TSPAN2: variants seen among roughly 807,000 people sequenced by gnomAD.
The protein encoded by TSPAN2 is tetraspanin 2, also known as tetraspanin-2.
Under a neutral mutation model 33.3 loss-of-function variants are expected in TSPAN2, and 24 were observed. That is an observed-to-expected ratio of 0.72 (90% CI 0.52 to 1.01). The LOEUF is 1.01. Among genes scored for constraint, TSPAN2 ranks in the 50% least tolerant of loss-of-function variants. TSPAN2 has a pLI of 0.00. For missense variants in TSPAN2, 278 were observed against 281.3 expected, an observed-to-expected ratio of 0.99 and a Z score of 0.08; for synonymous variants, 114 against 104.5, an observed-to-expected ratio of 1.09 and a Z score of -0.56.
intron 5 of TSPAN2, 79 bp from the exon 6 acceptor site, chr1:115,057,687 G>C (rs1647490135): frequency 7.8e-6 from 11 of 1,406,466 alleles, no homozygotes; most frequent in Non-Finnish European, 1.0e-5. Context: ...CTAAGGACTG[G>C]GGTGCCGAGG....
intron 1 of TSPAN2, among the ~76,000 whole-genome samples, chr1:115,088,225 G>A (rs768874728): frequency 6.6e-6 from 1 of 152,178 alleles, no homozygotes; most frequent in Non-Finnish European, 1.5e-5. Flanking sequence ...CTGGGCTAAT[G>A]GATTGACAGA....
intron 1 of TSPAN2, among the ~76,000 whole-genome samples, chr1:115,085,873 C>T (rs950727976): frequency 1.3e-5 from 2 of 152,182 alleles, no homozygotes; most frequent in African/African-American, 4.8e-5. Context: ...TGTCCTACTG[C>T]ATGCCTTCTA....
In TSPAN2 at chr1:115,058,445, C is replaced by A. The variant is rs185541488; in HGVS notation, c.444+438G>T. 1.5e-4 allele frequency: 35 copies of A among 229,262 alleles called. No homozygotes were observed. The East Asian group carries it at 5.2e-3, about 34-fold the overall frequency. 14.2% of individuals were successfully genotyped at this position (229,262 alleles called of 1,614,324 possible). ...CTTCATTCTACAAATGAGGGAGCTG[C>A]GTGGGTATCAGGGAGGCCAAGTAAC... On this transcript the variant is annotated intron_variant, in intron 5 of 7. Coordinates refer to ENST00000369516, the MANE Select transcript of TSPAN2 (RefSeq NM_005725.6).
chr1:115,086,830 T>C (rs892713790), intron 1 of TSPAN2, among the ~76,000 whole-genome samples: 3 of 152,238 alleles, frequency 2.0e-5, no homozygotes, highest in African/African-American at 2.4e-5. Flanking sequence ...ATCAGAATTA[T>C]GTGAATGGCT....
chr1:115,077,541 A>T (rs1393010798), intron 1 of TSPAN2, among the ~76,000 whole-genome samples: 1 of 152,228 alleles, frequency 6.6e-6, no homozygotes, highest in Admixed American at 6.5e-5. Flanking sequence ...TGTGTGTTCT[A>T]AAACTCAAGA....
At chr1:115,068,877 C>A (rs1286346) in intron 2 of TSPAN2, among the ~76,000 whole-genome samples, 39,711 of 152,128 alleles carry the variant, frequency 0.26, 5,552 homozygotes, top group African/African-American at 0.3. Context: ...CTTGTTGCCA[C>A]TATCCAGAGA....
In TSPAN2 at chr1:115,050,493, T is replaced by A. The variant is rs1264124571; in HGVS notation, c.663A>T (p.Ile221=). The change falls in exon 8 of 8, where the codon ATA becomes ATT. Residue 221 remains isoleucine, a synonymous_variant. Transcript: ENST00000369516. ...CAATTTTCATGTAGAAGTAGCTTCA[T>A]ATCACATCTCGTGAGTTTCGTATCG... ...CCAIRNSRDV[I] The A allele has an allele frequency of 6.2e-7, 1 of 1,613,842 alleles. No homozygotes were observed. The highest frequency in any genetic ancestry group is 1.3e-5 in the African/African-American group (1 of 74,926).
At chr1:115,076,864 G>T (rs1428272032) in intron 1 of TSPAN2, among the ~76,000 whole-genome samples, 1 of 151,990 alleles carries the variant, frequency 6.6e-6, no homozygotes, top group East Asian at 1.9e-4. Context: ...TCAATCCAGA[G>T]GCAGCCCACC....
At chr1:115,073,412 G>A (rs1036023405) in intron 1 of TSPAN2, among the ~76,000 whole-genome samples, 1 of 152,158 alleles carries the variant, frequency 6.6e-6, no homozygotes, top group Non-Finnish European at 1.5e-5. Context: ...AACGAGAGGT[G>A]ACTATGTCTC....
intron 1 of TSPAN2, among the ~76,000 whole-genome samples, chr1:115,079,136 G>A (rs887722343): frequency 8.4e-5 from 4 of 47,416 alleles, no homozygotes; most frequent in South Asian, 7.7e-4. Context: ...CAATTATAGC[G>A]CCACACACAC....
At chr1:115,079,355 C>T (rs1648538478) in intron 1 of TSPAN2, among the ~76,000 whole-genome samples, 1 of 152,164 alleles carries the variant, frequency 6.6e-6, no homozygotes, top group African/African-American at 2.4e-5. Flanking sequence ...TGGCAATTCT[C>T]ATCCCCATTG....
chr1:115,085,713 G>A (rs1474008684), intron 1 of TSPAN2, among the ~76,000 whole-genome samples: 1 of 152,068 alleles, frequency 6.6e-6, no homozygotes, highest in East Asian at 1.9e-4. Context: ...CTGGAATCAG[G>A]TTCCCTCAGT....
At chr1:115,070,278 A>G (rs4839410) in intron 2 of TSPAN2, among the ~76,000 whole-genome samples, 28,958 of 151,396 alleles carry the variant, frequency 0.19, 3,366 homozygotes, top group East Asian at 0.41. Flanking sequence ...ATGTTTAATA[A>G]TGTTTCTTAT....
At position 115,072,940 on chromosome 1, in the gene TSPAN2, G is replaced by T. The variant is rs746249624; in HGVS notation, c.137C>A (p.Ser46Ter). The change falls in exon 2 of 8, where the codon TCA becomes TAA. Residue 46 changes from serine (S) to a stop codon, truncating the protein, a stop_gained. Transcript: ENST00000369516. LOFTEE classifies it high-confidence loss of function. ...FRFGGAIKELSSEDKSPEYFY... is the reference protein window; with the variant it reads ...FRFGGAIKEL ...ATACTCTGGGGACTTGTCCTCTGAT[G>T]ATAACTCCTTTATGGCACCTCCGAA... 2 of 1,613,990 alleles carry T rather than the reference G, an allele frequency of 1.2e-6. No individual in the cohort carries two copies. The highest frequency in any genetic ancestry group is 2.7e-5 in the African/African-American group (2 of 74,928).
chr1:115,089,386 A>AGCAGCAGGTACTTGATGC lies in TSPAN2; in HGVS notation c.29_46dup (p.Leu15_Leu16insArgIleLysTyrLeuLeu). On this transcript the variant is annotated inframe_insertion, in exon 1 of 8. Coordinates refer to ENST00000369516, the MANE Select transcript of TSPAN2 (RefSeq NM_005725.6). ...CACCCAGAAGAGCAGGTTGAAGCCA[A>AGCAGCAGGTACTTGATGC]GCAGCAGGTACTTGATGCACCGCAG... 1.9e-6 allele frequency: 3 copies of AGCAGCAGGTACTTGATGC among 1,596,422 alleles called. No individual in the cohort carries two copies. Among genetic ancestry groups the AGCAGCAGGTACTTGATGC allele is most frequent in the Non-Finnish European group, 2.6e-6 (3 of 1,172,904 alleles).
At chr1:115,080,370 A>T (rs1376362582) in intron 1 of TSPAN2, among the ~76,000 whole-genome samples, 1 of 151,798 alleles carries the variant, frequency 6.6e-6, no homozygotes, top group Non-Finnish European at 1.5e-5. Flanking sequence ...TGCAGTCTTG[A>T]CCTCCCAGGC....
intron 1 of TSPAN2, among the ~76,000 whole-genome samples, chr1:115,080,948 T>C (rs1225781925): frequency 6.6e-6 from 1 of 152,228 alleles, no homozygotes; most frequent in Non-Finnish European, 1.5e-5. Context: ...CAATATTTAT[T>C]TATAGTGGTT....
In TSPAN2 at chr1:115,071,071, C is replaced by T. The variant is rs114221691; in HGVS notation, c.172+1834G>A. 3.7e-3 allele frequency among the ~76,000 whole-genome samples: 569 copies of T among 152,206 alleles called. 4 individuals are homozygous for T. Among genetic ancestry groups the T allele is most frequent in the African/African-American group, 0.013 (543 of 41,526 alleles). ...TCAGTTTTATGTCTACGGCAGATTC[C>T]TCTGCTTTTTCCTTGTCACAAAATC... On this transcript the variant is annotated intron_variant, in intron 2 of 7. Transcript: ENST00000369516.
intron 1 of TSPAN2, among the ~76,000 whole-genome samples, chr1:115,082,602 A>T (rs1648669543): frequency 6.6e-6 from 1 of 152,098 alleles, no homozygotes; most frequent in African/African-American, 2.4e-5. Context: ...ACCCTTTCTC[A>T]ATTTCCATGT....
Sources: allele counts gnomAD v4.1 joint callset (sites outside exome capture counted in the v4.1 genomes callset), GRCh38; gene constraint gnomAD v4.1.1; transcripts MANE v1.5; gene names NCBI Gene and HGNC (gene_info 2026-07-23, HGNC 2026-07-21).